Variants in ERICH6 observed in about 807,000 individuals in gnomAD.
ERICH6 encodes the protein glutamate rich 6, also known as glutamate-rich protein 6.
ERICH6 carries 71 observed loss-of-function variants against 71.0 expected under a neutral mutation model. That is an observed-to-expected ratio of 1.00 (90% CI 0.83 to 1.22). The LOEUF (loss-of-function observed/expected upper bound fraction) is 1.22. Among genes scored for constraint, ERICH6 ranks in the 50% most tolerant of loss-of-function variants. The probability of loss-of-function intolerance (pLI) is 0.00; values close to 1 mark genes in which losing one functional copy is unlikely to be tolerated. For synonymous variants in ERICH6, 262 were observed against 278.4 expected, an observed-to-expected ratio of 0.94 and a Z score of 0.59; for missense variants, 808 against 797.2, an observed-to-expected ratio of 1.01 and a Z score of -0.16.
At chr3:150,690,955 G>A (rs1202280521) in intron 3 of ERICH6, among the ~76,000 whole-genome samples, 3 of 152,194 alleles carry the variant, frequency 2.0e-5, no homozygotes, top group Non-Finnish European at 2.9e-5. Flanking sequence ...CACAGGCAGT[G>A]AGGTTTGTTT....
At position 150,698,846 on chromosome 3, in the gene ERICH6, T is replaced by C; in HGVS notation, c.498A>G (p.Val166=). ...IHRNLSPGIP[V]SVQTEESWLQ... is the part of the protein sequence containing the mutation. Reference sequence around the variant, plus strand: ...GCCAACTTTCTTCTGTTTGTACTGATACTGGAATTCCTGGAGACAAATTGC... The same window carrying C: ...GCCAACTTTCTTCTGTTTGTACTGACACTGGAATTCCTGGAGACAAATTGC... Residue 166 remains valine, a synonymous_variant, in exon 3 of 14, where the codon GTA becomes GTG. Transcript: ENST00000295910. The C allele has an allele frequency of 1.2e-6, 2 of 1,614,090 alleles. No homozygotes were observed. The highest frequency in any genetic ancestry group is 1.7e-6 in the Non-Finnish European group (2 of 1,179,992).
intron 3 of ERICH6, among the ~76,000 whole-genome samples, chr3:150,686,713 G>A (rs917311552): frequency 6.6e-6 from 1 of 152,030 alleles, no homozygotes; most frequent in Non-Finnish European, 1.5e-5. Flanking sequence ...ACAGATAGAA[G>A]GTTCATTCTT....
intron 13 of ERICH6, among the ~76,000 whole-genome samples, chr3:150,660,411 A>G (rs1727174708): frequency 6.6e-6 from 1 of 152,174 alleles, no homozygotes; most frequent in Admixed American, 6.5e-5. Flanking sequence ...TTTAACCAGC[A>G]CCTACTGAGG....
chr3:150,670,481 C>CAAAA (rs542493653), intron 11 of ERICH6, among the ~76,000 whole-genome samples: 2 of 45,158 alleles, frequency 4.4e-5, no homozygotes, highest in Non-Finnish European at 9.0e-5. Context: ...GACTCCATCT[C>CAAAA]AAAAAAAAAA....
At chr3:150,695,468 T>C (rs187603794) in intron 3 of ERICH6, among the ~76,000 whole-genome samples, 2 of 151,720 alleles carry the variant, frequency 1.3e-5, no homozygotes, top group African/African-American at 4.8e-5. Flanking sequence ...GAGACCATCC[T>C]GGCCAACGTG....
chr3:150,702,651 T>C (rs9823709), intron 1 of ERICH6, among the ~76,000 whole-genome samples: 123,332 of 151,870 alleles, frequency 0.81, 50,300 homozygotes, highest in East Asian at 0.94. Flanking sequence ...TGCTGCCAAA[T>C]ATCCTGTAAT....
intron 3 of ERICH6, among the ~76,000 whole-genome samples, chr3:150,692,615 T>A (rs916190773): frequency 3.6e-4 from 55 of 152,296 alleles, no homozygotes; most frequent in African/African-American, 1.3e-3. Flanking sequence ...ATAAATATGT[T>A]ATTAGTATGT....
intron 2 of ERICH6, among the ~76,000 whole-genome samples, chr3:150,699,647 C>T (rs1395697468): frequency 6.6e-6 from 1 of 150,522 alleles, no homozygotes; most frequent in African/African-American, 2.5e-5. Context: ...GAACAATTGA[C>T]TTTGAAAGGA....
intron 11 of ERICH6, among the ~76,000 whole-genome samples, chr3:150,672,882 AGGTGTAGT>A (rs1253805322): frequency 6.6e-6 from 1 of 151,716 alleles, no homozygotes; most frequent in Non-Finnish European, 1.5e-5. Flanking sequence ...AAAATTAGCC[AGGTGTAGT>A]GGTGCATGCC....
chr3:150,679,100 C>T (rs973940668), intron 9 of ERICH6, among the ~76,000 whole-genome samples: 1 of 149,062 alleles, frequency 6.7e-6, no homozygotes, highest in Non-Finnish European at 1.5e-5. Flanking sequence ...TTAGTTCTAG[C>T]AGAACTGATA....
chr3:150,702,305 C>A (rs1712912188), intron 1 of ERICH6, 127 bp from the exon 2 acceptor site: 1 of 499,342 alleles, frequency 2.0e-6, no homozygotes, highest in Non-Finnish European at 3.4e-6. Context: ...GAGACGGAGT[C>A]TCGCTCTGTC....
At chr3:150,687,185 T>C (rs988537009) in intron 3 of ERICH6, among the ~76,000 whole-genome samples, 2 of 152,192 alleles carry the variant, frequency 1.3e-5, no homozygotes, top group Non-Finnish European at 2.9e-5. Context: ...GCAATACCAC[T>C]ACAGTCGATC....
intron 3 of ERICH6, among the ~76,000 whole-genome samples, chr3:150,687,899 C>T (rs1010757071): frequency 1.3e-5 from 2 of 152,104 alleles, no homozygotes; most frequent in African/African-American, 4.8e-5. Flanking sequence ...GGGGAGATTA[C>T]TTGAGTACAT....
chr3:150,674,876 T>C, intron 10 of ERICH6, among the ~76,000 whole-genome samples: 1 of 152,032 alleles, frequency 6.6e-6, no homozygotes, highest in East Asian at 1.9e-4. Context: ...CTCACACCCA[T>C]AATCCCAGTA....
Position 150,673,971 on chromosome 3 carries a change from C to G in ERICH6, c.1328G>C (p.Gly443Ala), listed in dbSNP as rs755682421. Residue 443 changes from glycine to alanine, a missense_variant, in exon 11 of 14, where the codon GGG becomes GCG. Gly to Ala is a moderately conservative substitution (Grantham distance 60). This residue lies in a region of ERICH6 where 736 missense variants were observed against 712.2 expected (regional missense o/e 1.03). Transcript: ENST00000295910. ...GSKFLTSFPD[G>A]TTQIFYPSGN... ...AAGAGGATACAATATTTGTGTTGTC[C>G]CATCTGGAAATGAAGTCAGAAACTT... 6.8e-6 allele frequency: 11 copies of G among 1,613,700 alleles called. No homozygotes were observed.
rs1274252462 is a variant in ERICH6, at chr3:150,660,002, G to T, written c.1882C>A (p.Pro628Thr). 1 of 1,614,154 alleles carries T rather than the reference G, an allele frequency of 6.2e-7. No individual in the cohort carries two copies. Among genetic ancestry groups the T allele is most frequent in the Non-Finnish European group, 8.5e-7 (1 of 1,180,038 alleles). ...AGAGAAAGTGAAGAAAGGTAGGAAG[G>T]TTGCTTTAATTTTTCCCAAACCTGG... ...SSQVWEKLKQ[P>T]SYLSSLSLKL... Residue 628 changes from proline to threonine, a missense_variant, in exon 14 of 14, where the codon CCT becomes ACT. By Grantham distance (38) the Pro-to-Thr change is conservative (BLOSUM62 -1). Transcript: ENST00000295910.
chr3:150,673,157 C>A (rs1711530493), intron 11 of ERICH6, among the ~76,000 whole-genome samples: 1 of 151,174 alleles, frequency 6.6e-6, no homozygotes, highest in Non-Finnish European at 1.5e-5. Flanking sequence ...TTCCTCCCTC[C>A]CTTCCATCCG....
intron 10 of ERICH6, among the ~76,000 whole-genome samples, chr3:150,678,124 G>T (rs1002263288): frequency 6.6e-6 from 1 of 152,218 alleles, no homozygotes; most frequent in African/African-American, 2.4e-5. Context: ...TGTTTTGGGA[G>T]AAGTGATTGG....
At chr3:150,665,306 A>G (rs1463645962) in intron 13 of ERICH6, among the ~76,000 whole-genome samples, 2 of 152,142 alleles carry the variant, frequency 1.3e-5, no homozygotes, top group African/African-American at 4.8e-5. Context: ...CTATTTCCAC[A>G]TACTTAAAAG....
Sources: gnomAD v4.1 joint callset for allele counts (sites outside exome capture counted in the v4.1 genomes callset) on GRCh38, gnomAD v4.1.1 for gene constraint, gnomAD v4.1.1 regional missense constraint, MANE v1.5 for transcripts, NCBI Gene and HGNC (gene_info 2026-07-23, HGNC 2026-07-21) for gene names.